Variants in TMEM178B observed in about 807,000 individuals in gnomAD.
TMEM178B encodes transmembrane protein 178B.
A neutral mutation model predicts 31.0 loss-of-function variants in TMEM178B; 5 were observed. The ratio of observed to expected loss-of-function variants is 0.16; its 90% CI spans 0.08 to 0.34. The LOEUF (loss-of-function observed/expected upper bound fraction) is 0.34, where lower values mean the gene tolerates loss of function less well. Ranked by LOEUF, TMEM178B falls within the 10% of genes least tolerant of loss-of-function variation. The probability of loss-of-function intolerance (pLI) is 1.00; values close to 1 mark genes in which losing one functional copy is unlikely to be tolerated. For missense variants in TMEM178B, 275 were observed against 400.3 expected (o/e 0.69, Z 2.67); for synonymous variants, 164 against 164.0 (o/e 1.00, Z 0.00).
At chr7:141,243,023 A>G (rs1797653105) in intron 2 of TMEM178B, among the ~76,000 whole-genome samples, 1 of 151,840 alleles carries the variant, frequency 6.6e-6, no homozygotes, top group South Asian at 2.1e-4. Flanking sequence ...TATTTTTTAA[A>G]TGTTCTTTTG....
At chr7:141,087,516 A>G (rs185911805) in intron 1 of TMEM178B, among the ~76,000 whole-genome samples, 4 of 152,374 alleles carry the variant, frequency 2.6e-5, no homozygotes, top group Admixed American at 2.0e-4. Context: ...TAGAGCACTG[A>G]GACAGAGAGT....
At chr7:141,283,161 C>T (rs1045811327) in intron 2 of TMEM178B, among the ~76,000 whole-genome samples, 2 of 152,184 alleles carry the variant, frequency 1.3e-5, no homozygotes, top group Non-Finnish European at 2.9e-5. Flanking sequence ...AGCATAGACT[C>T]AGCTCTTTCC....
chr7:141,498,202 G>A, the TMEM178B span, among the ~76,000 whole-genome samples: 3 of 152,146 alleles, frequency 2.0e-5, no homozygotes, highest in African/African-American at 7.2e-5. Flanking sequence ...GACACCTCAT[G>A]GAAACAAGAA....
chr7:141,318,417 A>G lies in TMEM178B; in HGVS notation c.496+105713A>G, dbSNP rs1799042571. On this transcript the variant is annotated intron_variant, in intron 2 of 3. Transcript: ENST00000565468. This position sits in a 1 kb window ranked among gnomAD's most constrained non-coding sequence, Gnocchi z 4.1. ...GGCTTGAATTAATCTAGTGGGGGGA[A>G]AACCCAAGTGTTTGGTTTCAGGAAA... 5.3e-5 allele frequency among the ~76,000 whole-genome samples: 8 copies of G among 152,330 alleles called. 1 individual carries two copies. In the Middle Eastern group the frequency reaches 0.024, roughly 453 times the overall value.
At chr7:141,136,571 C>T (rs1215457491) in intron 1 of TMEM178B, among the ~76,000 whole-genome samples, 1 of 152,154 alleles carries the variant, frequency 6.6e-6, no homozygotes, top group African/African-American at 2.4e-5. Flanking sequence ...AAGGAAACAA[C>T]ACTGTGAAGA....
chr7:141,500,357 T>C, the TMEM178B span, among the ~76,000 whole-genome samples: 1 of 152,112 alleles, frequency 6.6e-6, no homozygotes. Context: ...CAGGTGCAAG[T>C]CATTTTGATT....
intron 2 of TMEM178B, among the ~76,000 whole-genome samples, chr7:141,284,149 C>T (rs1368335239): frequency 1.3e-5 from 2 of 152,176 alleles, no homozygotes; most frequent in African/African-American, 4.8e-5. Flanking sequence ...AAGCAACTCT[C>T]AAAGTCCTGC....
intron 2 of TMEM178B, among the ~76,000 whole-genome samples, chr7:141,296,588 C>T (rs568307131): frequency 3.3e-5 from 5 of 152,280 alleles, no homozygotes; most frequent in African/African-American, 7.2e-5. Flanking sequence ...TTATTTTAAT[C>T]GAGTCTTAGA....
intron 2 of TMEM178B, among the ~76,000 whole-genome samples, chr7:141,264,215 T>C (rs996664970): frequency 6.6e-5 from 10 of 152,318 alleles, no homozygotes; most frequent in African/African-American, 2.4e-4. Context: ...TGTCACATCA[T>C]ACTAACTGCA....
At chr7:141,458,668 C>A (rs1802008885) in intron 3 of TMEM178B, among the ~76,000 whole-genome samples, 1 of 152,132 alleles carries the variant, frequency 6.6e-6, no homozygotes, top group African/African-American at 2.4e-5. Flanking sequence ...TCACTTAAAG[C>A]TTTCCATTTC....
chr7:141,199,131 C>T (rs186504068), intron 1 of TMEM178B, among the ~76,000 whole-genome samples: 3 of 152,074 alleles, frequency 2.0e-5, no homozygotes, highest in Admixed American at 1.3e-4. Context: ...TGTGAAGAAG[C>T]GGCTATGTAA....
rs1458152666 is a variant in TMEM178B, at chr7:141,473,644, A to T, written c.*2858A>T. The T allele has an allele frequency of 6.6e-6, 1 of 152,204 alleles. No homozygotes were observed. The highest frequency in any genetic ancestry group is 2.4e-5 in the African/African-American group (1 of 41,438). 9.4% of individuals were successfully genotyped at this position (152,204 alleles called of 1,614,324 possible). On this transcript the variant is annotated 3_prime_UTR_variant, in exon 4 of 4. Transcript: ENST00000565468. ...AAATGTTAGAAAGCTCCCAGGAAAGACGTAAACAACCTGGGCTCAACTCAC... is the reference window on the plus strand; with the variant it reads ...AAATGTTAGAAAGCTCCCAGGAAAGTCGTAAACAACCTGGGCTCAACTCAC...
rs968749962 is a variant in TMEM178B, at chr7:141,473,149, T to C, written c.*2363T>C. 3 of 152,368 alleles carry C rather than the reference T, an allele frequency of 2.0e-5. No individual in the cohort carries two copies. The East Asian group carries it at 5.8e-4, about 29-fold the overall frequency. 9.4% of individuals were successfully genotyped at this position (152,368 alleles called of 1,614,324 possible). On this transcript the variant is annotated 3_prime_UTR_variant, in exon 4 of 4. Transcript: ENST00000565468. ...TTTTCAGGAAAACCCAGTTTTTCAA[T>C]TGGGCATTTTATTTCTAATTTTCTT...
intron 3 of TMEM178B, among the ~76,000 whole-genome samples, chr7:141,467,010 C>G (rs1802157231): frequency 6.6e-6 from 1 of 152,192 alleles, no homozygotes; most frequent in Non-Finnish European, 1.5e-5. Context: ...CTGTGTCCTA[C>G]AGGCTGCCTC....
At chr7:141,358,637 C>G (rs145295259) in intron 2 of TMEM178B, among the ~76,000 whole-genome samples, 1 of 151,886 alleles carries the variant, frequency 6.6e-6, no homozygotes, top group African/African-American at 2.4e-5. Flanking sequence ...ATAAAAGTTT[C>G]CCAACTTTTC....
intron 1 of TMEM178B, among the ~76,000 whole-genome samples, chr7:141,165,471 C>G (rs895743748): frequency 4.6e-5 from 7 of 152,180 alleles, no homozygotes; most frequent in African/African-American, 1.2e-4. Context: ...TATCAGCATG[C>G]CTTACTACTG....
At chr7:141,117,043 G>C (rs1795330603) in intron 1 of TMEM178B, among the ~76,000 whole-genome samples, 1 of 152,142 alleles carries the variant, frequency 6.6e-6, no homozygotes, top group Admixed American at 6.5e-5. Flanking sequence ...TAATGGAATT[G>C]CTGGGTCAAA....
chr7:141,168,557 A>G (rs1796297030), intron 1 of TMEM178B, among the ~76,000 whole-genome samples: 1 of 152,160 alleles, frequency 6.6e-6, no homozygotes, highest in African/African-American at 2.4e-5. Context: ...GGAACACTTG[A>G]GGTCAGGAGT....
At chr7:141,510,390 G>A in the TMEM178B span, among the ~76,000 whole-genome samples, 3 of 152,060 alleles carry the variant, frequency 2.0e-5, no homozygotes, top group African/African-American at 7.2e-5. Flanking sequence ...AGATCTATAA[G>A]AATGGAGCTC....
Sources: gnomAD v4.1 joint callset for allele counts (sites outside exome capture counted in the v4.1 genomes callset) on GRCh38, gnomAD v4.1.1 for gene constraint, Gnocchi (gnomAD v3.1) non-coding constraint, MANE v1.5 for transcripts, NCBI Gene and HGNC (gene_info 2026-07-23, HGNC 2026-07-21) for gene names.